The following CSMD1 variants were observed in gnomAD, a reference collection of about 807,000 sequenced individuals.
CSMD1 encodes the protein CUB and sushi domain-containing protein 1.
A neutral mutation model predicts 417.5 loss-of-function variants in CSMD1; 213 were observed. That is an observed-to-expected ratio of 0.51 (90% CI 0.46 to 0.57). CSMD1 has a LOEUF of 0.57. Among genes scored for constraint, CSMD1 ranks in the 20% least tolerant of loss-of-function variants. The probability of loss-of-function intolerance (pLI) is 0.00; values close to 1 mark genes in which losing one functional copy is unlikely to be tolerated. For missense variants in CSMD1, 6,923 were observed against 4,529.7 expected (o/e 1.53, Z -15.17); for synonymous variants, 2,862 against 1,736.8 (o/e 1.65, Z -16.11).
chr8:4,261,097 A>C (rs1416404825), intron 3 of CSMD1, among the ~76,000 whole-genome samples: 2 of 152,086 alleles, frequency 1.3e-5, no homozygotes, highest in Non-Finnish European at 2.9e-5. Context: ...TAATTTTTCT[A>C]TGTGTCATTT....
At position 4,483,661 on chromosome 8, in the gene CSMD1, T is replaced by G. The variant is rs74299154; in HGVS notation, c.303-63596A>C. On this transcript the variant is annotated intron_variant, in intron 2 of 69. Coordinates refer to ENST00000635120, the MANE Select transcript of CSMD1 (RefSeq NM_033225.6). Reference sequence around the variant, plus strand: ...AAATGTGATTTTTGGGCTAAACACATATTTAATCCATTTTTGTAAGAAAAG... The same window carrying G: ...AAATGTGATTTTTGGGCTAAACACAGATTTAATCCATTTTTGTAAGAAAAG... Among the ~76,000 whole-genome samples the G allele has an allele frequency of 1.3e-3, 203 of 152,268 alleles. 6 individuals carry two copies. In the East Asian group the frequency reaches 0.036, roughly 27 times the overall value.
chr8:4,523,876 C>T (rs2130413735), intron 2 of CSMD1, among the ~76,000 whole-genome samples: 1 of 152,308 alleles, frequency 6.6e-6, no homozygotes, highest in East Asian at 1.9e-4. Flanking sequence ...CTTTCTCCTT[C>T]TTTGGTCTTT....
intron 1 of CSMD1, among the ~76,000 whole-genome samples, chr8:4,949,242 C>G (rs577980651): frequency 5.9e-5 from 9 of 152,010 alleles, no homozygotes; most frequent in Admixed American, 5.9e-4. Context: ...ATTTTTGCAC[C>G]TATCTTCATA....
intron 3 of CSMD1, among the ~76,000 whole-genome samples, chr8:4,335,573 T>C (rs1330161937): frequency 6.6e-6 from 1 of 152,118 alleles, no homozygotes; most frequent in East Asian, 1.9e-4. Context: ...TCACTATCAG[T>C]CTTAGCTAAC....
chr8:4,177,415 G>A (rs1466915246), intron 3 of CSMD1, among the ~76,000 whole-genome samples: 1 of 151,774 alleles, frequency 6.6e-6, no homozygotes, highest in African/African-American at 2.4e-5. Context: ...AGAATCTCTG[G>A]GGCACATTCA....
intron 11 of CSMD1, among the ~76,000 whole-genome samples, chr8:3,491,462 C>T (rs1433061322): frequency 6.6e-6 from 1 of 152,170 alleles, no homozygotes; most frequent in Non-Finnish European, 1.5e-5. Context: ...TAGGACATTA[C>T]TAGTGTTATT....
chr8:4,029,872 G>C (rs1329474963), intron 4 of CSMD1, among the ~76,000 whole-genome samples: 2 of 150,986 alleles, frequency 1.3e-5, no homozygotes, highest in Non-Finnish European at 2.9e-5. Context: ...GGTAAATACA[G>C]CCATTCAAAA....
At chr8:3,205,832 T>C (rs1797221930) in intron 30 of CSMD1, among the ~76,000 whole-genome samples, 1 of 152,184 alleles carries the variant, frequency 6.6e-6, no homozygotes, top group African/African-American at 2.4e-5. Context: ...AAAAACCTAA[T>C]ATTATTTTCA....
intron 5 of CSMD1, among the ~76,000 whole-genome samples, chr8:3,986,000 C>A (rs552924053): frequency 6.6e-6 from 1 of 151,960 alleles, no homozygotes; most frequent in Non-Finnish European, 1.5e-5. Flanking sequence ...AAGCCAGGCC[C>A]CACCCACTCC....
At chr8:4,868,986 T>C (rs1402406199) in intron 1 of CSMD1, among the ~76,000 whole-genome samples, 3 of 151,942 alleles carry the variant, frequency 2.0e-5, no homozygotes, top group African/African-American at 7.3e-5. Flanking sequence ...ATAGAATAGA[T>C]GATATAAAGA....
intron 49 of CSMD1, among the ~76,000 whole-genome samples, chr8:3,054,754 C>G (rs1218470476): frequency 6.6e-6 from 1 of 152,110 alleles, no homozygotes; most frequent in African/African-American, 2.4e-5. Flanking sequence ...CTACAATAAT[C>G]CATTTGCAGT....
At chr8:4,718,250 T>G (rs1808818008) in intron 1 of CSMD1, among the ~76,000 whole-genome samples, 1 of 152,218 alleles carries the variant, frequency 6.6e-6, no homozygotes, top group Admixed American at 6.5e-5. Flanking sequence ...ATGTTGGGAT[T>G]ACAGGTGTGA....
chr8:3,521,598 G>A (rs182006450), intron 10 of CSMD1, among the ~76,000 whole-genome samples: 1 of 152,106 alleles, frequency 6.6e-6, no homozygotes, highest in Non-Finnish European at 1.5e-5. Context: ...CTCCTTCTTG[G>A]TGTTTAGCTA....
At chr8:4,084,276 G>C (rs1165938108) in intron 3 of CSMD1, among the ~76,000 whole-genome samples, 1 of 149,124 alleles carries the variant, frequency 6.7e-6, no homozygotes, top group African/African-American at 2.5e-5. Flanking sequence ...ACAAAAATTG[G>C]AAAAATCTTT....
intron 5 of CSMD1, among the ~76,000 whole-genome samples, chr8:3,838,544 T>TATATA (rs1491339141): frequency 0.015 from 1,889 of 126,422 alleles, 57 homozygotes; most frequent in African/African-American, 0.042. Context: ...AGTCTATATA[T>TATATA]GTACTCTCTG....
At chr8:3,705,408 C>T (rs1489340328) in intron 7 of CSMD1, among the ~76,000 whole-genome samples, 1 of 152,196 alleles carries the variant, frequency 6.6e-6, no homozygotes, top group Non-Finnish European at 1.5e-5. Flanking sequence ...GCAGTGTCCA[C>T]CCCTGTCTGG....
At chr8:4,427,113 C>T (rs527289515) in intron 2 of CSMD1, among the ~76,000 whole-genome samples, 1 of 151,980 alleles carries the variant, frequency 6.6e-6, no homozygotes, top group Non-Finnish European at 1.5e-5. Context: ...GGTCACCATC[C>T]TTATAGAAAG....
intron 3 of CSMD1, among the ~76,000 whole-genome samples, chr8:4,401,366 A>G (rs890266412): frequency 6.6e-6 from 1 of 152,202 alleles, no homozygotes; most frequent in Non-Finnish European, 1.5e-5. Flanking sequence ...ATTACATTTT[A>G]TTCACCAAAG....
chr8:3,702,105 T>G (rs1030626244), intron 7 of CSMD1: 1 of 152,196 alleles, frequency 6.6e-6, no homozygotes, highest in African/African-American at 2.4e-5. Flanking sequence ...GTGTTGTTAT[T>G]TTTCCCAGGG....
Sources: allele counts gnomAD v4.1 joint callset (sites outside exome capture counted in the v4.1 genomes callset), GRCh38; gene constraint gnomAD v4.1.1; transcripts MANE v1.5; gene names NCBI Gene and HGNC (gene_info 2026-07-23, HGNC 2026-07-21).